The following SUGP1 variants were observed in gnomAD, a reference collection of about 807,000 sequenced individuals.
SUGP1 encodes SURP and G-patch domain containing 1.
SUGP1 carries 34 observed loss-of-function variants against 76.5 expected under a neutral mutation model. That is an observed-to-expected ratio of 0.44 (90% CI 0.34 to 0.59). The LOEUF (loss-of-function observed/expected upper bound fraction) is 0.59, where lower values mean the gene tolerates loss of function less well. SUGP1 is among the 20% of genes least tolerant of loss of function. SUGP1 has a pLI of 0.01. For missense variants in SUGP1, 752 were observed against 851.7 expected (o/e 0.88, Z 1.46); for synonymous variants, 326 against 326.2 (o/e 1.00, Z 0.01).
chr19:19,317,136 CAA>C (rs1317510314), intron 1 of SUGP1, among the ~76,000 whole-genome samples: 17 of 78,072 alleles, frequency 2.2e-4, no homozygotes, highest in Admixed American at 2.7e-4. Flanking sequence ...GACTCTGTCT[CAA>C]AAAAAAAAAA....
chr19:19,312,115 C>T (rs1031390662), intron 2 of SUGP1, among the ~76,000 whole-genome samples: 1 of 151,790 alleles, frequency 6.6e-6, no homozygotes, highest in Non-Finnish European at 1.5e-5. Flanking sequence ...GTGGCGTGTG[C>T]CTATAATTCC....
chr19:19,320,340 TGGGCTGCCCCG>T (rs1434510302), intron 1 of SUGP1, 112 bp downstream of exon 1: 13 of 1,065,890 alleles, frequency 1.2e-5, no homozygotes, highest in Non-Finnish European at 1.7e-5. Flanking sequence ...GCCGACGCTG[TGGGCTGCCCCG>T]GGGCTGAAGC....
chr19:19,289,573 C>A (rs2061166059), intron 8 of SUGP1, among the ~76,000 whole-genome samples: 1 of 152,058 alleles, frequency 6.6e-6, no homozygotes, highest in African/African-American at 2.4e-5. Flanking sequence ...CTTGGTGAAA[C>A]CTCGTCTCTA....
At chr19:19,305,787 C>T in intron 4 of SUGP1, 62 bp downstream of exon 4, 1 of 1,520,566 alleles carries the variant, frequency 6.6e-7, no homozygotes, top group South Asian at 1.3e-5. Context: ...CTGCCCACCA[C>T]AGATCCCACC....
intron 8 of SUGP1, among the ~76,000 whole-genome samples, chr19:19,283,440 GT>G (rs148030853): frequency 6.1e-5 from 9 of 147,214 alleles, no homozygotes; most frequent in Non-Finnish European, 1.1e-4. Context: ...TGCCCAGCTA[GT>G]TTTTTTTTTT....
rs1212379491 is a variant in SUGP1 at position 19,303,619 on chromosome 19, T to C, written c.662+105A>G. On this transcript the variant is annotated intron_variant, in intron 5 of 13. Transcript: ENST00000247001. ...ACTTCTGGTGAGAATCAGAAAACGC[T>C]TGGAACAGCATCCGGCCCACACTAG... 4.7e-6 allele frequency: 7 copies of C among 1,480,700 alleles called. No homozygotes were observed. In the East Asian group the frequency reaches 6.8e-5, roughly 14 times the overall value. 91.7% of individuals were successfully genotyped at this position (1,480,700 alleles called of 1,614,324 possible).
intron 8 of SUGP1, among the ~76,000 whole-genome samples, chr19:19,284,256 T>C (rs1457712274): frequency 6.6e-6 from 1 of 152,010 alleles, no homozygotes; most frequent in Non-Finnish European, 1.5e-5. Flanking sequence ...GAGTGTGCCA[T>C]TGCACTCCAA....
At position 19,303,470 on chromosome 19, in the gene SUGP1, G is replaced by A. The variant is rs371344364; in HGVS notation, c.663-22C>T. On this transcript the variant is annotated intron_variant, in intron 5 of 13. Coordinates refer to ENST00000247001, the MANE Select transcript of SUGP1 (RefSeq NM_172231.4). Reference sequence around the variant, plus strand: ...AAATCTGGAGAGGAGGAAGTTTGCAGAAGAGAGGGGAAAATAAGTATCTGT... The same window carrying A: ...AAATCTGGAGAGGAGGAAGTTTGCAAAAGAGAGGGGAAAATAAGTATCTGT... 25 of 1,591,750 alleles carry A rather than the reference G, an allele frequency of 1.6e-5. No individual in the cohort carries two copies. In the African/African-American group the frequency reaches 3.4e-4, roughly 21 times the overall value.
chr19:19,318,566 C>A (rs1253794374), intron 1 of SUGP1, among the ~76,000 whole-genome samples: 1 of 152,114 alleles, frequency 6.6e-6, no homozygotes, highest in Non-Finnish European at 1.5e-5. Flanking sequence ...GTGGCTAGGA[C>A]TACAGGCACA....
chr19:19,308,756 T>C (rs1286535051), intron 3 of SUGP1, among the ~76,000 whole-genome samples: 1 of 152,224 alleles, frequency 6.6e-6, no homozygotes, highest in Non-Finnish European at 1.5e-5. Flanking sequence ...CTCACAAGTG[T>C]GGGGAAGGCT....
intron 7 of SUGP1, among the ~76,000 whole-genome samples, chr19:19,301,283 C>T (rs1475104736): frequency 1.3e-5 from 2 of 152,134 alleles, no homozygotes; most frequent in African/African-American, 2.4e-5. Flanking sequence ...CTGGGGCACA[C>T]CTGAATCCCA....
intron 12 of SUGP1, 51 bp downstream of exon 12, chr19:19,277,683 A>G: frequency 6.3e-7 from 1 of 1,596,610 alleles, no homozygotes; most frequent in South Asian, 1.1e-5. Flanking sequence ...GCGGCAGGGG[A>G]CCCACAGACC....
chr19:19,319,946 G>A (rs968107466), intron 1 of SUGP1, among the ~76,000 whole-genome samples: 7 of 152,174 alleles, frequency 4.6e-5, no homozygotes, highest in African/African-American at 1.7e-4. Context: ...CACACAGTGA[G>A]CACGCCCTAA....
At chr19:19,316,664 C>T in intron 1 of SUGP1, 71 bp from the exon 2 acceptor site, 2 of 1,518,288 alleles carry the variant, frequency 1.3e-6, no homozygotes, top group Non-Finnish European at 1.8e-6. Context: ...TGTGACAGGC[C>T]AGAGAGCAAC....
chr19:19,278,681 C>G lies in SUGP1; in HGVS notation c.1635+9G>C. 1 of 1,607,260 alleles carries G rather than the reference C, an allele frequency of 6.2e-7. No homozygotes were observed. The highest frequency in any genetic ancestry group is 8.5e-7 in the Non-Finnish European group (1 of 1,176,926). On this transcript the variant is annotated intron_variant, in intron 11 of 13. Transcript: ENST00000247001. ...GCAGAGGCTGGAGCTAGGGCCCCTC[C>G]TGGCTCACCTTCAGGGCCTTGAAGG...
intron 8 of SUGP1, among the ~76,000 whole-genome samples, chr19:19,282,994 G>A (rs2061111043): frequency 6.6e-6 from 1 of 151,762 alleles, no homozygotes. Flanking sequence ...GGAGAATGGT[G>A]TGAACCCGGG....
intron 3 of SUGP1, among the ~76,000 whole-genome samples, chr19:19,309,762 A>T (rs1489546140): frequency 6.6e-6 from 1 of 152,184 alleles, no homozygotes; most frequent in Non-Finnish European, 1.5e-5. Context: ...TATTTAAAAA[A>T]TTAGCCGGGC....
chr19:19,291,577 G>GA (rs2061183572), intron 8 of SUGP1, among the ~76,000 whole-genome samples: 1 of 151,784 alleles, frequency 6.6e-6, no homozygotes, highest in African/African-American at 2.4e-5. Flanking sequence ...ATCAGGATTC[G>GA]AAAAAACCTT....
At chr19:19,295,287 G>A (rs2061216425) in intron 8 of SUGP1, among the ~76,000 whole-genome samples, 1 of 152,040 alleles carries the variant, frequency 6.6e-6, no homozygotes, top group Non-Finnish European at 1.5e-5. Flanking sequence ...TACTCAGGAG[G>A]CTAAGGCAGG....
Sources: allele counts gnomAD v4.1 joint callset (sites outside exome capture counted in the v4.1 genomes callset), GRCh38; gene constraint gnomAD v4.1.1; transcripts MANE v1.5; gene names NCBI Gene and HGNC (gene_info 2026-07-23, HGNC 2026-07-21).